STPG2: variants seen among roughly 807,000 people sequenced by gnomAD.
STPG2 encodes sperm tail PG-rich repeat containing 2, also known as sperm-tail PG-rich repeat-containing protein 2.
Under a neutral mutation model 54.2 loss-of-function variants are expected in STPG2, and 56 were observed. The ratio of observed to expected loss-of-function variants is 1.03; its 90% confidence interval spans 0.83 to 1.29. The LOEUF is 1.29. STPG2 is among the 50% of genes most tolerant of loss of function. STPG2 has a pLI of 0.00. For missense variants in STPG2, 596 were observed against 544.9 expected (o/e 1.09, Z -0.93); for synonymous variants, 200 against 181.8 (o/e 1.10, Z -0.81).
intron 9 of STPG2, among the ~76,000 whole-genome samples, chr4:97,783,151 G>T (rs1296830147): frequency 3.3e-5 from 5 of 152,280 alleles, no homozygotes; most frequent in African/African-American, 1.2e-4. Context: ...GCAACCTACA[G>T]AATGGGAGAA....
At chr4:97,776,638 T>C (rs779298644) in intron 9 of STPG2, among the ~76,000 whole-genome samples, 2 of 152,166 alleles carry the variant, frequency 1.3e-5, no homozygotes, top group African/African-American at 2.4e-5. Flanking sequence ...GCATTTAATA[T>C]GGTATTGGAA....
chr4:97,535,087 A>G (rs1358643374), intron 4 of STPG2, among the ~76,000 whole-genome samples: 1 of 152,240 alleles, frequency 6.6e-6, no homozygotes, highest in African/African-American at 2.4e-5. Context: ...TAAGGCTCAT[A>G]AACATTTATG....
intron 10 of STPG2, among the ~76,000 whole-genome samples, chr4:97,580,105 C>A (rs1373300565): frequency 6.6e-6 from 1 of 151,812 alleles, no homozygotes; most frequent in Non-Finnish European, 1.5e-5. Flanking sequence ...TACTAATTAA[C>A]CGAAGTCAAA....
chr4:97,498,697 A>T (rs1031408326), intron 4 of STPG2, among the ~76,000 whole-genome samples: 3 of 151,954 alleles, frequency 2.0e-5, no homozygotes, highest in African/African-American at 7.2e-5. Flanking sequence ...AAACAAAAAT[A>T]CAACAATAGC....
chr4:97,776,484 T>G (rs893600366), intron 9 of STPG2, among the ~76,000 whole-genome samples: 13 of 152,204 alleles, frequency 8.5e-5, no homozygotes, highest in African/African-American at 2.7e-4. Flanking sequence ...TTAATTTTAT[T>G]AGAAATAAAT....
intron 9 of STPG2, among the ~76,000 whole-genome samples, chr4:97,806,647 C>G (rs1727577387): frequency 2.0e-5 from 3 of 151,954 alleles, no homozygotes; most frequent in Admixed American, 1.3e-4. Context: ...TGCATTCACC[C>G]CTAATATAAA....
intron 10 of STPG2, among the ~76,000 whole-genome samples, chr4:97,593,340 C>T (rs929376631): frequency 2.6e-5 from 4 of 152,158 alleles, no homozygotes; most frequent in African/African-American, 4.8e-5. Context: ...CATGGGCAGA[C>T]GTCACCTCCC....
At chr4:97,646,374 A>G (rs560592141) in intron 10 of STPG2, among the ~76,000 whole-genome samples, 17 of 152,218 alleles carry the variant, frequency 1.1e-4, no homozygotes, top group African/African-American at 4.1e-4. Flanking sequence ...CGGCCACTTA[A>G]TATTTTTCTT....
At chr4:97,875,536 C>A (rs1730143890) in intron 8 of STPG2, among the ~76,000 whole-genome samples, 1 of 151,740 alleles carries the variant, frequency 6.6e-6, no homozygotes, top group South Asian at 2.1e-4. Context: ...AAGTTATTTT[C>A]CACAGAATTT....
chr4:97,998,871 A>C (rs1735325052), intron 5 of STPG2, among the ~76,000 whole-genome samples: 1 of 152,168 alleles, frequency 6.6e-6, no homozygotes, highest in Non-Finnish European at 1.5e-5. Flanking sequence ...TGCACATGTC[A>C]GTGGTTCCTG....
At chr4:98,131,091 T>C (rs186468303) in intron 2 of STPG2, among the ~76,000 whole-genome samples, 5 of 152,042 alleles carry the variant, frequency 3.3e-5, no homozygotes, top group Non-Finnish European at 5.9e-5. Context: ...ATTCATGTGG[T>C]TTTTTCTGCA....
At chr4:97,498,234 C>A (rs559883689) in intron 4 of STPG2, among the ~76,000 whole-genome samples, 30 of 151,854 alleles carry the variant, frequency 2.0e-4, no homozygotes, top group Admixed American at 1.3e-4. Context: ...ACCATGCTGA[C>A]CACCTTTAAA....
intron 9 of STPG2, among the ~76,000 whole-genome samples, chr4:97,834,286 C>T (rs1037916481): frequency 6.6e-6 from 1 of 152,074 alleles, no homozygotes; most frequent in Non-Finnish European, 1.5e-5. Context: ...CATGTTCTCA[C>T]TCATAAGTAG....
At chr4:97,514,259 G>C (rs1300104355) in intron 4 of STPG2, among the ~76,000 whole-genome samples, 1 of 152,114 alleles carries the variant, frequency 6.6e-6, no homozygotes, top group African/African-American at 2.4e-5. Flanking sequence ...TGAAGAGAGA[G>C]AGTAAGCAGC....
At chr4:97,873,601 AAAC>A (rs144577954) in intron 8 of STPG2, among the ~76,000 whole-genome samples, 36,742 of 151,188 alleles carry the variant, frequency 0.24, 5,195 homozygotes, top group Middle Eastern at 0.36. Context: ...CATATAGAAG[AAAC>A]AACATGTCAA....
intron 1 of STPG2, among the ~76,000 whole-genome samples, chr4:98,137,599 A>G (rs986803632): frequency 6.6e-6 from 1 of 151,864 alleles, no homozygotes; most frequent in African/African-American, 2.4e-5. Context: ...GTAATCTGAG[A>G]TAAATATGAA....
intron 10 of STPG2, among the ~76,000 whole-genome samples, chr4:97,651,260 T>C (rs1439056265): frequency 6.6e-6 from 1 of 152,076 alleles, no homozygotes; most frequent in Non-Finnish European, 1.5e-5. Flanking sequence ...CATTATTGTT[T>C]GTATGTCTTT....
intron 10 of STPG2, among the ~76,000 whole-genome samples, chr4:97,661,266 A>C (rs772982071): frequency 1.3e-5 from 2 of 152,220 alleles, no homozygotes; most frequent in Non-Finnish European, 2.9e-5. Context: ...TGGGCTTTGA[A>C]CTAGAGATAC....
At chr4:98,142,920 G>C (rs972210417) in intron 1 of STPG2, 122 bp downstream of exon 1, 35 of 820,382 alleles carry the variant, frequency 4.3e-5, no homozygotes, top group Non-Finnish European at 4.2e-5. Flanking sequence ...CCTACTTCAT[G>C]TTTTGTTATG....
Sources: gnomAD v4.1 joint callset for allele counts (sites outside exome capture counted in the v4.1 genomes callset) on GRCh38, gnomAD v4.1.1 for gene constraint, MANE v1.5 for transcripts, NCBI Gene and HGNC (gene_info 2026-07-23, HGNC 2026-07-21) for gene names.